PAX2: variants seen among roughly 807,000 people sequenced by gnomAD.
PAX2 encodes the protein paired box 2, also known as paired box protein Pax-2.
A neutral mutation model predicts 41.7 loss-of-function variants in PAX2; 9 were observed. The ratio of observed to expected loss-of-function variants is 0.22; its 90% CI spans 0.13 to 0.38. PAX2 has a LOEUF of 0.38. PAX2 is among the 10% of genes least tolerant of loss of function. The probability of loss-of-function intolerance (pLI) is 1.00; values close to 1 mark genes in which losing one functional copy is unlikely to be tolerated. For missense variants in PAX2, 418 were observed against 531.6 expected, an observed-to-expected ratio of 0.79 and a Z score of 2.10; for synonymous variants, 221 against 212.7, an observed-to-expected ratio of 1.04 and a Z score of -0.34.
rs968312678 is a variant in PAX2, at chr10:100,826,879, C to T, written c.1022-130C>T. On this transcript the variant is annotated intron_variant, in intron 8 of 9. Transcript: ENST00000355243. This position sits in a 1 kb window ranked among gnomAD's most constrained non-coding sequence, Gnocchi z 5.5. Reference sequence around the variant, plus strand: ...CCTCCGCCCGGCCCGCCCGCCACGGCCATTACCCTGCCCGCGACACCTGCG... The same window carrying T: ...CCTCCGCCCGGCCCGCCCGCCACGGTCATTACCCTGCCCGCGACACCTGCG... 1 of 706,708 alleles carries T rather than the reference C, an allele frequency of 1.4e-6. No homozygotes were observed. Among genetic ancestry groups the T allele is most frequent in the Non-Finnish European group, 2.5e-6 (1 of 392,696 alleles). 43.8% of individuals were successfully genotyped at this position (706,708 alleles called of 1,614,324 possible). A position where few individuals can be genotyped will look rare whatever the true frequency, so the allele number is the denominator to read the frequency against.
Position 100,751,173 on chromosome 10 carries a change from C to T in PAX2, c.410+282C>T, listed in dbSNP as rs185242731. ...TGTGGTAATTAAGACTCCAAGATTACGAGCATCCAGCCTTGGGATCTTGAG... is the reference window on the plus strand; with the variant it reads ...TGTGGTAATTAAGACTCCAAGATTATGAGCATCCAGCCTTGGGATCTTGAG... On this transcript the variant is annotated intron_variant, in intron 3 of 9. Transcript: ENST00000355243. 1.4e-3 allele frequency among the ~76,000 whole-genome samples: 213 copies of T among 152,300 alleles called. 1 individual carries two copies. The highest frequency in any genetic ancestry group is 6.8e-3 in the Middle Eastern group (2 of 294).
intron 7 of PAX2, among the ~76,000 whole-genome samples, chr10:100,819,201 T>TCG (rs1848292738): frequency 6.6e-6 from 1 of 151,066 alleles, no homozygotes; most frequent in Non-Finnish European, 1.5e-5. Flanking sequence ...TGAGTGGAGA[T>TCG]TGCACCACTG....
rs758109039 is a variant in PAX2, at chr10:100,827,674, C to T, written c.*55C>T. The T allele has an allele frequency of 5.6e-6, 9 of 1,613,184 alleles. No homozygotes were observed. Among genetic ancestry groups the T allele is most frequent in the Non-Finnish European group, 7.6e-6 (9 of 1,179,832 alleles). On this transcript the variant is annotated 3_prime_UTR_variant, in exon 10 of 10. Coordinates refer to ENST00000355243, the MANE Select transcript of PAX2 (RefSeq NM_000278.5). This position sits in a 1 kb window ranked among gnomAD's most constrained non-coding sequence, Gnocchi z 8.5. ...CCGACAGCTTCGGCCTCCACATCGT[C>T]CCCGTCTGACCCCACCCCGGAGGGA...
intron 3 of PAX2, among the ~76,000 whole-genome samples, chr10:100,761,191 CT>C (rs397967287): frequency 0.026 from 3,797 of 146,002 alleles, 68 homozygotes; most frequent in Non-Finnish European, 0.04. Context: ...GGTGTGGTAC[CT>C]TTTTTTTTTT....
intron 3 of PAX2, among the ~76,000 whole-genome samples, chr10:100,775,289 C>T (rs1846347597): frequency 6.6e-6 from 1 of 152,216 alleles, no homozygotes; most frequent in South Asian, 2.1e-4. Context: ...TCATCAACAA[C>T]TGCTTTACTT....
chr10:100,742,843 C>CCT (rs1845014342), upstream of PAX2, among the ~76,000 whole-genome samples: 5 of 41,206 alleles, frequency 1.2e-4, no homozygotes, highest in African/African-American at 5.0e-4. Context: ...TTCTTTCTTC[C>CCT]TTTTTTTTTT....
At chr10:100,740,862 C>T (rs560185636), upstream of PAX2, among the ~76,000 whole-genome samples, 1 of 152,332 alleles carries the variant, frequency 6.6e-6, no homozygotes, top group Admixed American at 6.5e-5. Context: ...GGCTCCTAGC[C>T]CTTTTAGCTT....
At chr10:100,779,454 G>A (rs1437018728) in intron 3 of PAX2, 44 bp from the exon 4 acceptor site, 1 of 1,491,270 alleles carries the variant, frequency 6.7e-7, no homozygotes, top group Non-Finnish European at 9.2e-7. Flanking sequence ...GGCCGGGATA[G>A]GAGTGGGCAT....
intron 7 of PAX2, among the ~76,000 whole-genome samples, chr10:100,809,638 T>C (rs1370863977): frequency 6.6e-6 from 1 of 152,128 alleles, no homozygotes; most frequent in East Asian, 1.9e-4. Context: ...CACACTTGGG[T>C]CTCCAAGGCT....
At chr10:100,756,893 A>C (rs1450807470) in intron 3 of PAX2, among the ~76,000 whole-genome samples, 1 of 152,198 alleles carries the variant, frequency 6.6e-6, no homozygotes, top group Non-Finnish European at 1.5e-5. Context: ...CCAGCCATGC[A>C]GTTGAGTCCA....
At chr10:100,740,617 G>A (rs2133813088), upstream of PAX2, among the ~76,000 whole-genome samples, 1 of 152,314 alleles carries the variant, frequency 6.6e-6, no homozygotes, top group Non-Finnish European at 1.5e-5. Context: ...GAAATGTCTG[G>A]GTTTGCAAAA....
At chr10:100,813,643 G>A (rs774982128) in intron 7 of PAX2, among the ~76,000 whole-genome samples, 21 of 152,228 alleles carry the variant, frequency 1.4e-4, no homozygotes, top group Admixed American at 1.3e-3. Context: ...GGGAAACAAG[G>A]AAGGGGGCAG....
intron 3 of PAX2, among the ~76,000 whole-genome samples, chr10:100,754,808 G>T (rs1409969496): frequency 6.6e-6 from 1 of 152,176 alleles, no homozygotes; most frequent in Non-Finnish European, 1.5e-5. Context: ...TCTACTCTTG[G>T]ACCTGGCTTG....
intron 5 of PAX2, among the ~76,000 whole-genome samples, chr10:100,800,328 G>A (rs1847516920): frequency 1.5e-5 from 2 of 130,988 alleles, no homozygotes; most frequent in African/African-American, 6.2e-5. Context: ...TGTCCAGGCT[G>A]AATGCAGTGG....
chr10:100,792,486 T>G (rs1342075009), intron 5 of PAX2, among the ~76,000 whole-genome samples: 1 of 152,236 alleles, frequency 6.6e-6, no homozygotes, highest in East Asian at 1.9e-4. Flanking sequence ...CTCCCTTCTC[T>G]TTCTGGGAAC....
intron 3 of PAX2, among the ~76,000 whole-genome samples, chr10:100,763,503 G>A (rs1176267724): frequency 6.6e-6 from 1 of 152,212 alleles, no homozygotes; most frequent in Non-Finnish European, 1.5e-5. Context: ...CTCTAAGTCA[G>A]ATGGAGATCT....
rs747599742 is a variant in PAX2, at chr10:100,750,962, C to T, written c.410+71C>T. 3.9e-5 allele frequency: 45 copies of T among 1,159,460 alleles called. No homozygotes were observed. Among genetic ancestry groups the T allele is most frequent in the Non-Finnish European group, 5.4e-5 (42 of 771,678 alleles). The allele number at this position is 1,159,460 out of a possible 1,614,324, so 71.8% of individuals were successfully genotyped here. A position where few individuals can be genotyped will look rare whatever the true frequency, so the allele number is the denominator to read the frequency against. The stretch of plus-strand genomic sequence containing the variant: ...CTCCTGCCTGCAGGGGTGTCCCACG[C>T]CCAGTCTCTGCTCTTTGTCCAGCCT... On this transcript the variant is annotated intron_variant, in intron 3 of 9. Transcript: ENST00000355243. The surrounding 1 kb of genome is among the most constrained non-coding windows in gnomAD (Gnocchi z 4.1).
At chr10:100,792,523 C>T (rs1046481721) in intron 5 of PAX2, among the ~76,000 whole-genome samples, 5 of 152,194 alleles carry the variant, frequency 3.3e-5, no homozygotes, top group African/African-American at 9.7e-5. Flanking sequence ...TCAAATTCTA[C>T]CAGGAACTGA....
At chr10:100,759,881 G>A (rs908485913) in intron 3 of PAX2, among the ~76,000 whole-genome samples, 1 of 152,158 alleles carries the variant, frequency 6.6e-6, no homozygotes, top group Admixed American at 6.5e-5. Flanking sequence ...TTGGCCTGGG[G>A]GTCTTTGCTG....
Sources: gnomAD v4.1 joint callset for allele counts (sites outside exome capture counted in the v4.1 genomes callset) on GRCh38, gnomAD v4.1.1 for gene constraint, Gnocchi (gnomAD v3.1) non-coding constraint, MANE v1.5 for transcripts, NCBI Gene and HGNC (gene_info 2026-07-23, HGNC 2026-07-21) for gene names.